The following ZFR2 variants were observed in gnomAD, a reference collection of about 807,000 sequenced individuals.
ZFR2 encodes the protein zinc finger RNA-binding protein 2.
In ZFR2, 104 loss-of-function variants were observed where a neutral mutation model predicts 105.7. That is an observed-to-expected ratio of 0.98 (90% CI 0.84 to 1.16). The LOEUF (loss-of-function observed/expected upper bound fraction) is 1.16, where lower values mean the gene tolerates loss of function less well. Ranked by LOEUF, ZFR2 falls within the 50% of genes most tolerant of loss-of-function variation. The pLI, the probability that ZFR2 is intolerant of heterozygous loss-of-function variation, is 0.00. For missense variants in ZFR2, 1,425 were observed against 1,355.5 expected (o/e 1.05, Z -0.80); for synonymous variants, 634 against 597.7 (o/e 1.06, Z -0.89).
intron 5 of ZFR2, 136 bp downstream of exon 5, chr19:3,831,167 T>TACAA: frequency 7.8e-7 from 1 of 1,275,314 alleles, no homozygotes; most frequent in Non-Finnish European, 1.0e-6. Context: ...AGGCCATGCA[T>TACAA]ACAACATGCA....
rs191987265 is a variant in ZFR2, at chr19:3,869,009, C to T, written c.9G>A (p.Thr3=). MA[T]SQYFDFAQGG... is the part of the protein sequence containing the mutation. The stretch of plus-strand genomic sequence containing the variant: ...CCTGCGCGAAGTCGAAATACTGACT[C>T]GTCGCCATCTTGGCGTCTTCCCCGA... The change falls in exon 1 of 19, where the codon ACG becomes ACA. Residue 3 remains threonine (T), a synonymous_variant. Coordinates refer to ENST00000262961, the MANE Select transcript of ZFR2 (RefSeq NM_015174.2). The T allele has an allele frequency of 9.4e-5, 129 of 1,371,650 alleles. No homozygotes were observed. In the African/African-American group the frequency reaches 1.9e-3, roughly 20 times the overall value. The allele number at this position is 1,371,650 out of a possible 1,614,324, so 85.0% of individuals were successfully genotyped here.
chr19:3,864,375 CACAAACAAACAA>C (rs58613356), intron 1 of ZFR2, among the ~76,000 whole-genome samples: 26 of 151,300 alleles, frequency 1.7e-4, no homozygotes, highest in South Asian at 4.2e-4. Context: ...GATCCTGTCT[CACAAACAAACAA>C]ACAAACAAAC....
At position 3,819,383 on chromosome 19, in the gene ZFR2, G is replaced by T. The variant is rs2037864423; in HGVS notation, c.1741-148C>A. Reference sequence around the variant, plus strand: ...GGTGAGAATCCAGTGCACACAGAGAGCCCCGGGGTGGGGAACAGGGAAGTA... The same window carrying T: ...GGTGAGAATCCAGTGCACACAGAGATCCCCGGGGTGGGGAACAGGGAAGTA... On this transcript the variant is annotated intron_variant, in intron 11 of 18. Transcript: ENST00000262961. 3.7e-5 allele frequency: 31 copies of T among 841,340 alleles called. No homozygotes were observed. In the South Asian group the frequency reaches 5.2e-4, roughly 14 times the overall value. 52.1% of individuals were successfully genotyped at this position (841,340 alleles called of 1,614,324 possible). A position where few individuals can be genotyped will look rare whatever the true frequency, so the allele number is the denominator to read the frequency against.
In ZFR2 at chr19:3,813,924, T is replaced by C. The variant is rs775749967; in HGVS notation, c.2138A>G (p.Asp713Gly). ...VTEDEYEVSS[D>G]PEANIVISSC... ...GGAGATGACAATGTTGGCTTCAGGG[T>C]CGGAGGAGACCTCATACTCATCCTC... is the stretch of plus-strand genomic sequence containing the variant. Residue 713 changes from aspartate to glycine, a missense_variant, in exon 14 of 19, where the codon GAC (aspartate) becomes GGC (glycine). By Grantham distance (94) the Asp-to-Gly change is moderately conservative (BLOSUM62 -1). Coordinates refer to ENST00000262961, the MANE Select transcript of ZFR2 (RefSeq NM_015174.2). The surrounding 1 kb of genome is among the most constrained non-coding windows in gnomAD (Gnocchi z 4.4). The C allele has an allele frequency of 1.2e-6, 2 of 1,613,792 alleles. No individual in the cohort carries two copies. Among genetic ancestry groups the C allele is most frequent in the East Asian group, 4.5e-5 (2 of 44,884 alleles).
intron 18 of ZFR2, 112 bp from the exon 19 acceptor site, chr19:3,806,237 G>T (rs2037695374): frequency 1.7e-6 from 2 of 1,195,784 alleles, no homozygotes; most frequent in Non-Finnish European, 2.2e-6. Flanking sequence ...GGCCTATCCT[G>T]TATCCCTCGA....
At chr19:3,820,654 G>T (rs1430385698) in intron 10 of ZFR2, among the ~76,000 whole-genome samples, 1 of 151,832 alleles carries the variant, frequency 6.6e-6, no homozygotes, top group Non-Finnish European at 1.5e-5. Flanking sequence ...ATGAGGGGAC[G>T]CTAGGGGATC....
At position 3,851,033 on chromosome 19, in the gene ZFR2, G is replaced by A. The variant is rs369933170; in HGVS notation, c.54-16050C>T. Among the ~76,000 whole-genome samples the A allele has an allele frequency of 1.4e-4, 22 of 152,046 alleles. No homozygotes were observed. In the East Asian group the frequency reaches 4.1e-3, roughly 28 times the overall value. On this transcript the variant is annotated intron_variant, in intron 1 of 18. Coordinates refer to ENST00000262961, the MANE Select transcript of ZFR2 (RefSeq NM_015174.2). ...CCCTCACCAGAAACCACCCCCTGCT[G>A]GCACCTAGATCTCACACTTCTGGCC...
At position 3,813,758 on chromosome 19, in the gene ZFR2, G is replaced by A; in HGVS notation, c.2242+62C>T. 6.3e-7 allele frequency: 1 copy of A among 1,596,052 alleles called. No homozygotes were observed. Among genetic ancestry groups the A allele is most frequent in the Non-Finnish European group, 8.5e-7 (1 of 1,169,730 alleles). The stretch of plus-strand genomic sequence containing the variant: ...GGCGGACGCTGCCCCAGGCCTGGGT[G>A]TGGGGAGCGCCCTGGGGAAGCGTGA... On this transcript the variant is annotated intron_variant, in intron 14 of 18. Transcript: ENST00000262961. The surrounding 1 kb of genome is among the most constrained non-coding windows in gnomAD (Gnocchi z 4.4).
At chr19:3,856,352 G>C (rs1411235410) in intron 1 of ZFR2, among the ~76,000 whole-genome samples, 54 of 152,264 alleles carry the variant, frequency 3.5e-4, no homozygotes, top group Non-Finnish European at 2.2e-4. Context: ...TCCAGGGAGA[G>C]GCCTGCGCTG....
rs545752181 is a variant in ZFR2 at position 3,831,336 on chromosome 19, G to T, written c.819C>A (p.Cys273Ter). 1.3e-6 allele frequency: 2 copies of T among 1,557,044 alleles called. No individual in the cohort carries two copies. ...AGPRQLQLHY[C>*]DICKISCAGP... ...CAGCGCAGCTGATCTTGCAGATGTC[G>T]CAGTAGTGAAGCTGGAGCTGCCTGG... Residue 273 changes from cysteine (C) to a stop codon, truncating the protein, a stop_gained, in exon 5 of 19, where the codon TGC (cysteine) becomes TGA (stop). Transcript: ENST00000262961. LOFTEE classifies it high-confidence loss of function.
Position 3,808,950 on chromosome 19 carries a change from T to C in ZFR2, c.2467A>G (p.Ser823Gly). ...MELLVEKAVS[S>G]AAGPLGPGDA... ...CCGGGGCCCAGGGGCCCAGCCGCAC[T>C]GCTCACAGCCTTCTCCACCAGCAGC... The change falls in exon 17 of 19, where the codon AGT becomes GGT. Residue 823 changes from serine to glycine, a missense_variant. By Grantham distance (56) the Ser-to-Gly change is moderately conservative (BLOSUM62 0). Coordinates refer to ENST00000262961, the MANE Select transcript of ZFR2 (RefSeq NM_015174.2). 1 of 1,571,052 alleles carries C rather than the reference T, an allele frequency of 6.4e-7. No individual in the cohort carries two copies. The highest frequency in any genetic ancestry group is 8.6e-7 in the Non-Finnish European group (1 of 1,160,530).
chr19:3,855,703 G>A, intron 1 of ZFR2: 1 of 361,804 alleles, frequency 2.8e-6, no homozygotes, highest in Middle Eastern at 7.0e-4. Context: ...GGGCCTGGTG[G>A]GTGAGGAGGA....
intron 1 of ZFR2, among the ~76,000 whole-genome samples, chr19:3,854,577 C>T (rs1249632253): frequency 6.6e-6 from 1 of 152,144 alleles, no homozygotes; most frequent in East Asian, 1.9e-4. Flanking sequence ...CAGATTCCTA[C>T]ATCCCAGAGA....
intron 1 of ZFR2, among the ~76,000 whole-genome samples, chr19:3,857,244 C>T (rs138288354): frequency 2.6e-5 from 4 of 152,006 alleles, no homozygotes; most frequent in Admixed American, 1.3e-4. Context: ...CACCCCACCA[C>T]GCCCAGCGGA....
At chr19:3,867,145 G>A (rs903788716) in intron 1 of ZFR2, among the ~76,000 whole-genome samples, 1 of 151,668 alleles carries the variant, frequency 6.6e-6, no homozygotes, top group Non-Finnish European at 1.5e-5. Flanking sequence ...ACACCGCGGG[G>A]GGCAAAGACC....
intron 17 of ZFR2, among the ~76,000 whole-genome samples, chr19:3,807,474 A>T (rs147450657): frequency 1.3e-5 from 2 of 152,304 alleles, no homozygotes; most frequent in East Asian, 1.9e-4. Flanking sequence ...GGCCCCTCAA[A>T]GCCTGTTGGG....
chr19:3,815,153 T>C (rs183355683), intron 13 of ZFR2, among the ~76,000 whole-genome samples: 52 of 152,192 alleles, frequency 3.4e-4, no homozygotes, highest in Admixed American at 3.0e-3. Context: ...GCAGTGGCAC[T>C]ATCTCTGCTC....
At chr19:3,833,834 G>A (rs955525099) in intron 2 of ZFR2, 56 bp from the exon 3 acceptor site, 42 of 1,411,518 alleles carry the variant, frequency 3.0e-5, no homozygotes, top group Admixed American at 2.2e-4. Context: ...CAGCTCAGGC[G>A]GTGGGTGCGA....
chr19:3,845,741 G>A (rs1599247274), intron 1 of ZFR2, among the ~76,000 whole-genome samples: 1 of 152,054 alleles, frequency 6.6e-6, no homozygotes, highest in East Asian at 1.9e-4. Flanking sequence ...GCTGCAGTGA[G>A]CCATGATCAC....
Sources: allele counts gnomAD v4.1 joint callset (sites outside exome capture counted in the v4.1 genomes callset), GRCh38; gene constraint gnomAD v4.1.1; non-coding constraint Gnocchi (gnomAD v3.1); transcripts MANE v1.5; gene names NCBI Gene and HGNC (gene_info 2026-07-23, HGNC 2026-07-21).